ARHGAP40: variants seen among roughly 807,000 people sequenced by gnomAD.
The protein encoded by ARHGAP40 is Rho GTPase activating protein 40, also known as rho GTPase-activating protein 40.
A neutral mutation model predicts 73.5 loss-of-function variants in ARHGAP40; 43 were observed. That is an observed-to-expected ratio of 0.58 (90% CI 0.46 to 0.75). The LOEUF (loss-of-function observed/expected upper bound fraction) is 0.75, where lower values mean the gene tolerates loss of function less well. Ranked by LOEUF, ARHGAP40 falls within the 30% of genes least tolerant of loss-of-function variation. The probability of loss-of-function intolerance (pLI) is 0.00; values close to 1 mark genes in which losing one functional copy is unlikely to be tolerated. For missense variants in ARHGAP40, 734 were observed against 861.8 expected, an observed-to-expected ratio of 0.85 and a Z score of 1.86; for synonymous variants, 300 against 352.8, an observed-to-expected ratio of 0.85 and a Z score of 1.68.
chr20:38,629,700 G>T, intron 5 of ARHGAP40, 50 bp downstream of exon 5: 1 of 1,291,094 alleles, frequency 7.7e-7, no homozygotes, highest in Non-Finnish European at 1.0e-6. Context: ...CTGTGCTCAG[G>T]CACCAGCACC....
chr20:38,640,088 G>C (rs77566763), intron 9 of ARHGAP40, among the ~76,000 whole-genome samples: 1,446 of 102,892 alleles, frequency 0.014, 9 homozygotes, highest in Non-Finnish European at 0.021. Context: ...TGTTGTTGTT[G>C]TTCTTCTTCT....
At chr20:38,626,070 T>G (rs2088897580) in intron 2 of ARHGAP40, among the ~76,000 whole-genome samples, 1 of 152,228 alleles carries the variant, frequency 6.6e-6, no homozygotes. Context: ...AAGTCAGGAA[T>G]GGACCCACAA....
chr20:38,646,851 G>A lies in ARHGAP40; in HGVS notation c.1711-106G>A. The A allele has an allele frequency of 9.7e-7, 1 of 1,027,080 alleles. No homozygotes were observed. The highest frequency in any genetic ancestry group is 1.3e-6 in the Non-Finnish European group (1 of 767,448). The allele number at this position is 1,027,080 out of a possible 1,614,324, so 63.6% of individuals were successfully genotyped here. A position where few individuals can be genotyped will look rare whatever the true frequency, so the allele number is the denominator to read the frequency against. On this transcript the variant is annotated intron_variant, in intron 12 of 14. Coordinates refer to ENST00000373345, the Ensembl canonical transcript of ARHGAP40. This position sits in a 1 kb window ranked among gnomAD's most constrained non-coding sequence, Gnocchi z 4.5. ...GTGTGTGTATCTTGTGATTTTCAGC[G>A]TGGGCATTTGCGTAAGTGCCATGTA...
At chr20:38,614,301 A>G (rs2088821519) in intron 1 of ARHGAP40, among the ~76,000 whole-genome samples, 1 of 152,116 alleles carries the variant, frequency 6.6e-6, no homozygotes, top group African/African-American at 2.4e-5. Flanking sequence ...TGCACCCACG[A>G]TTCCCTGGCG....
At chr20:38,627,550 TGTG>T (rs2088908244) in intron 3 of ARHGAP40, among the ~76,000 whole-genome samples, 3 of 148,314 alleles carry the variant, frequency 2.0e-5, no homozygotes, top group Non-Finnish European at 4.5e-5. Flanking sequence ...TGTGTTGGTG[TGTG>T]TTGGGGTATG....
chr20:38,627,157 G>A lies in ARHGAP40; in HGVS notation c.500G>A (p.Arg167Lys), dbSNP rs748982545. The change falls in exon 3 of 15, where the codon AGA becomes AAA. Residue 167 changes from arginine (R) to lysine (K), a missense_variant. Transcript: ENST00000373345. ...GACATCTATGCTCGCTCAGTGCGAA[G>A]ACAACACAAGACACCTGTCAGAGAT... 3.8e-6 allele frequency: 5 copies of A among 1,305,366 alleles called. No homozygotes were observed. In the East Asian group the frequency reaches 1.7e-4, roughly 43 times the overall value. The allele number at this position is 1,305,366 out of a possible 1,614,324, so 80.9% of individuals were successfully genotyped here.
Position 38,627,228 on chromosome 20 carries a change from T to C in ARHGAP40, c.558+13T>C, listed in dbSNP as rs1262868301. On this transcript the variant is annotated intron_variant, in intron 3 of 14. Transcript: ENST00000373345. ...CTTCAATTCAGGGGTAAGTGGCATA[T>C]GGGTCATTGCAGGCCCCGTCTGACT... 3.8e-6 allele frequency: 5 copies of C among 1,304,556 alleles called. No homozygotes were observed. The highest frequency in any genetic ancestry group is 1.5e-5 in the African/African-American group (1 of 65,874). 80.8% of individuals were successfully genotyped at this position (1,304,556 alleles called of 1,614,324 possible). A position where few individuals can be genotyped will look rare whatever the true frequency, so the allele number is the denominator to read the frequency against.
At chr20:38,624,124 C>T (rs988950129) in intron 2 of ARHGAP40, among the ~76,000 whole-genome samples, 2 of 152,156 alleles carry the variant, frequency 1.3e-5, no homozygotes, top group African/African-American at 4.8e-5. Context: ...TGCTCAGGGC[C>T]TCTCATGCAG....
chr20:38,640,708 G>T (rs566375937), intron 9 of ARHGAP40, among the ~76,000 whole-genome samples: 7 of 152,134 alleles, frequency 4.6e-5, no homozygotes, highest in East Asian at 1.9e-4. Context: ...CTCTCGCTTT[G>T]CTGTTCCCCC....
chr20:38,610,249 A>AC (rs1186820015), intron 1 of ARHGAP40, among the ~76,000 whole-genome samples: 3 of 149,550 alleles, frequency 2.0e-5, no homozygotes, highest in African/African-American at 5.0e-5. Context: ...CCACTGTGCC[A>AC]CCCCCCTACC....
intron 1 of ARHGAP40, chr20:38,614,960 G>T: frequency 8.1e-7 from 1 of 1,235,024 alleles, no homozygotes; most frequent in Non-Finnish European, 1.2e-6. Context: ...AGGTTTGTGC[G>T]AGTTTGTACG....
chr20:38,609,020 T>C (rs1046303665), intron 1 of ARHGAP40, among the ~76,000 whole-genome samples: 5 of 152,158 alleles, frequency 3.3e-5, no homozygotes, highest in South Asian at 2.1e-4. Flanking sequence ...AGTGGTTTCA[T>C]TGGGCCCACT....
At chr20:38,649,351 T>TGCC (rs2089073220) in intron 14 of ARHGAP40, among the ~76,000 whole-genome samples, 2 of 151,846 alleles carry the variant, frequency 1.3e-5, no homozygotes, top group South Asian at 4.2e-4. Context: ...ATTGAGGGGG[T>TGCC]GCCCCTCAGG....
chr20:38,642,975 T>C (rs1292917058), intron 10 of ARHGAP40, among the ~76,000 whole-genome samples: 2 of 151,934 alleles, frequency 1.3e-5, no homozygotes, highest in East Asian at 3.9e-4. Flanking sequence ...ACCCCGTCTG[T>C]ACTACAAATA....
chr20:38,648,804 A>G, intron 14 of ARHGAP40, 106 bp downstream of exon 14: 1 of 849,318 alleles, frequency 1.2e-6, no homozygotes, highest in South Asian at 1.5e-5. Context: ...AGGCCTGCAG[A>G]TGAGCCCTCC....
intron 1 of ARHGAP40, among the ~76,000 whole-genome samples, chr20:38,611,413 C>CT (rs11482396): frequency 0.78 from 92,646 of 118,324 alleles, 37,204 homozygotes; most frequent in East Asian, 0.93. Context: ...CTATTTAAAA[C>CT]TTTTTTTTTT....
chr20:38,612,641 A>G (rs1256142137), intron 1 of ARHGAP40, among the ~76,000 whole-genome samples: 5 of 152,102 alleles, frequency 3.3e-5, no homozygotes, highest in Non-Finnish European at 7.3e-5. Flanking sequence ...CTGCACTCCA[A>G]CCTGGGCGAA....
At chr20:38,616,570 G>A (rs2088840763) in intron 1 of ARHGAP40, among the ~76,000 whole-genome samples, 1 of 152,222 alleles carries the variant, frequency 6.6e-6, no homozygotes, top group Non-Finnish European at 1.5e-5. Flanking sequence ...TGAGAACATG[G>A]ACTACAGAGC....
At chr20:38,607,588 C>A (rs1277034781) in intron 1 of ARHGAP40, among the ~76,000 whole-genome samples, 1 of 152,182 alleles carries the variant, frequency 6.6e-6, no homozygotes, top group Non-Finnish European at 1.5e-5. Flanking sequence ...GTTAATTACA[C>A]CAAGCAGTTA....
Sources: gnomAD v4.1 joint callset for allele counts (sites outside exome capture counted in the v4.1 genomes callset) on GRCh38, gnomAD v4.1.1 for gene constraint, Gnocchi (gnomAD v3.1) non-coding constraint, MANE v1.5 for transcripts, NCBI Gene and HGNC (gene_info 2026-07-23, HGNC 2026-07-21) for gene names.